The following BAHD1 variants were observed in gnomAD, a reference collection of about 807,000 sequenced individuals.
BAHD1 encodes the protein bromo adjacent homology domain containing 1.
In BAHD1, 20 loss-of-function variants were observed where a neutral mutation model predicts 63.1. That is an observed-to-expected ratio of 0.32 (90% CI 0.22 to 0.46). The LOEUF is 0.46. Among genes scored for constraint, BAHD1 ranks in the 20% least tolerant of loss-of-function variants. The pLI, the probability that BAHD1 is intolerant of heterozygous loss-of-function variation, is 1.00. For missense variants in BAHD1, 939 were observed against 1,071.8 expected, an observed-to-expected ratio of 0.88 and a Z score of 1.73; for synonymous variants, 408 against 426.8, an observed-to-expected ratio of 0.96 and a Z score of 0.54.
intron 5 of BAHD1, 120 bp from the exon 6 acceptor site, chr15:40,465,215 G>T: frequency 1.2e-6 from 1 of 824,118 alleles, no homozygotes; most frequent in East Asian, 2.6e-5. Context: ...TGAATTTCCA[G>T]GGAAGCTTGC....
chr15:40,458,937 A>G lies in BAHD1; in HGVS notation c.473A>G (p.Asp158Gly). The G allele has an allele frequency of 6.3e-7, 1 of 1,594,824 alleles. No homozygotes were observed. The highest frequency in any genetic ancestry group is 1.1e-5 in the South Asian group (1 of 88,658). Reference sequence around the variant, plus strand: ...GATCCCCACCGCAGCCGTGACCGTGATCGTGCTACTGGGGGCTGGTCCTCC... The same window carrying G: ...GATCCCCACCGCAGCCGTGACCGTGGTCGTGCTACTGGGGGCTGGTCCTCC... ...AGDPHRSRDR[D>G]RATGGWSSSK... is the part of the protein sequence containing the mutation. The change falls in exon 2 of 7, where the codon GAT becomes GGT. Residue 158 changes from aspartate to glycine, a missense_variant. Coordinates refer to ENST00000416165, the MANE Select transcript of BAHD1 (RefSeq NM_014952.5). This position sits in a 1 kb window ranked among gnomAD's most constrained non-coding sequence, Gnocchi z 4.7.
intron 1 of BAHD1, among the ~76,000 whole-genome samples, chr15:40,457,405 C>G (rs1469465940): frequency 6.6e-6 from 1 of 151,978 alleles, no homozygotes; most frequent in East Asian, 1.9e-4. Context: ...GACTTCTCCA[C>G]CATGGGCCCC....
At chr15:40,465,308 A>G (rs527323147) in intron 5 of BAHD1, 27 bp from the exon 6 acceptor site, 2 of 1,608,210 alleles carry the variant, frequency 1.2e-6, no homozygotes, top group African/African-American at 2.7e-5. Flanking sequence ...CAGCCCTGGT[A>G]ACAACCTCCA....
In BAHD1 at chr15:40,462,113, C is replaced by G; in HGVS notation, c.1634C>G (p.Ser545Cys). The G allele has an allele frequency of 6.2e-7, 1 of 1,613,096 alleles. No homozygotes were observed. Residue 545 changes from serine to cysteine, a missense_variant, in exon 3 of 7, where the codon TCT becomes TGT. Ser to Cys is a moderately radical substitution (Grantham distance 112). This residue lies in a region of BAHD1 where 797 missense variants were observed against 813.3 expected (regional missense o/e 0.98). Coordinates refer to ENST00000416165, the MANE Select transcript of BAHD1 (RefSeq NM_014952.5). Reference protein sequence around the residue: ...CPQSAKPPSGSKSGLRTGSSC... With the variant: ...CPQSAKPPSGCKSGLRTGSSC... Reference sequence around the variant, plus strand: ...CAGAGCGCCAAACCTCCCAGCGGTTCTAAGTCAGGTCTGCGCACAGGCTCC... The same window carrying G: ...CAGAGCGCCAAACCTCCCAGCGGTTGTAAGTCAGGTCTGCGCACAGGCTCC...
intron 1 of BAHD1, among the ~76,000 whole-genome samples, chr15:40,444,870 A>G (rs1315241354): frequency 6.6e-6 from 1 of 152,036 alleles, no homozygotes; most frequent in Non-Finnish European, 1.5e-5. Context: ...TTTGTGCCCC[A>G]GTTTGATGAT....
chr15:40,458,946 C>T lies in BAHD1; in HGVS notation c.482C>T (p.Thr161Ile), dbSNP rs369257423. 133 of 1,592,338 alleles carry T rather than the reference C, an allele frequency of 8.4e-5. No individual in the cohort carries two copies. The highest frequency in any genetic ancestry group is 1.1e-4 in the Non-Finnish European group (128 of 1,167,892). Residue 161 changes from threonine (T) to isoleucine (I), a missense_variant, in exon 2 of 7, where the codon ACT becomes ATT. This residue lies in a region of BAHD1 where 797 missense variants were observed against 813.3 expected (regional missense o/e 0.98). Coordinates refer to ENST00000416165, the MANE Select transcript of BAHD1 (RefSeq NM_014952.5). This position sits in a 1 kb window ranked among gnomAD's most constrained non-coding sequence, Gnocchi z 4.7. ...PHRSRDRDRATGGWSSSKKRP... is the reference protein window; with the variant it reads ...PHRSRDRDRAIGGWSSSKKRP... The stretch of plus-strand genomic sequence containing the variant: ...CGCAGCCGTGACCGTGATCGTGCTA[C>T]TGGGGGCTGGTCCTCCTCCAAGAAG...
chr15:40,456,551 A>G (rs1893856329), intron 1 of BAHD1, among the ~76,000 whole-genome samples: 1 of 152,092 alleles, frequency 6.6e-6, no homozygotes, highest in African/African-American at 2.4e-5. Context: ...GGTTGCCCAC[A>G]CCACCCTCAG....
rs541403676 is a variant in BAHD1 at position 40,464,420 on chromosome 15, A to G, written c.1976-51A>G. ...AGCCAGCCAGCCTCTCTGCCTGTCT[A>G]AGTAACTCAGGTTGCCAGTTCAAGC... On this transcript the variant is annotated intron_variant, in intron 4 of 6. Transcript: ENST00000416165. 4.5e-5 allele frequency: 69 copies of G among 1,519,460 alleles called. No individual in the cohort carries two copies. In the East Asian group the frequency reaches 9.0e-4, roughly 20 times the overall value. 94.1% of individuals were successfully genotyped at this position (1,519,460 alleles called of 1,614,324 possible).
At position 40,468,204 on chromosome 15, in the gene BAHD1, A is replaced by T. The variant is rs2141566152; in HGVS notation, c.*2074A>T. ...AGAAGTACTTCTTTAAGAAAAAAAT[A>T]AATTTGAGAAATTGTATTGATTTAG... On this transcript the variant is annotated 3_prime_UTR_variant, in exon 7 of 7. Coordinates refer to ENST00000416165, the MANE Select transcript of BAHD1 (RefSeq NM_014952.5). 6.5e-6 allele frequency: 1 copy of T among 152,714 alleles called. No homozygotes were observed. Among genetic ancestry groups the T allele is most frequent in the Non-Finnish European group, 1.5e-5 (1 of 68,038 alleles). The allele number at this position is 152,714 out of a possible 1,614,324, so 9.5% of individuals were successfully genotyped here.
chr15:40,455,454 C>G (rs1189237354), intron 1 of BAHD1, among the ~76,000 whole-genome samples: 1 of 152,178 alleles, frequency 6.6e-6, no homozygotes, highest in African/African-American at 2.4e-5. Context: ...TCCCACCTCT[C>G]TCTGCTTGGG....
At chr15:40,447,584 A>G (rs893655040) in intron 1 of BAHD1, among the ~76,000 whole-genome samples, 86 of 147,044 alleles carry the variant, frequency 5.8e-4, no homozygotes, top group African/African-American at 2.1e-3. Flanking sequence ...ATAAATAAAT[A>G]AATAAATAAA....
At chr15:40,462,570 C>T (rs1490158936) in intron 3 of BAHD1, among the ~76,000 whole-genome samples, 1 of 152,172 alleles carries the variant, frequency 6.6e-6, no homozygotes, top group African/African-American at 2.4e-5. Flanking sequence ...CCTCCCCTCC[C>T]TGCTCACTTT....
At chr15:40,448,410 A>C (rs887882816) in intron 1 of BAHD1, among the ~76,000 whole-genome samples, 3 of 152,202 alleles carry the variant, frequency 2.0e-5, no homozygotes, top group Non-Finnish European at 1.5e-5. Context: ...CTGAACGTGC[A>C]AGTTATCTTG....
At chr15:40,460,199 T>A (rs1018216624) in intron 2 of BAHD1, among the ~76,000 whole-genome samples, 1 of 152,170 alleles carries the variant, frequency 6.6e-6, no homozygotes, top group Admixed American at 6.6e-5. Flanking sequence ...TCTCTCCTCA[T>A]TGGGATACCC....
Position 40,465,992 on chromosome 15 carries a change from A to G in BAHD1, c.2205A>G (p.Thr735=), listed in dbSNP as rs955400923. The stretch of plus-strand genomic sequence containing the variant: ...GTGAAGGCCTCCCCAGCCGAAAGAC[A>G]GCACTGGTTCCCCCCTCTGCAGACT... The part of the protein sequence containing the change: ...RRGEGLPSRK[T]ALVPPSADYS... The change falls in exon 7 of 7, where the codon ACA becomes ACG. Residue 735 remains threonine, a synonymous_variant. Transcript: ENST00000416165. 7.5e-6 allele frequency: 12 copies of G among 1,610,634 alleles called. No homozygotes were observed. The Admixed American group carries it at 1.5e-4, about 20-fold the overall frequency.
chr15:40,460,904 G>A (rs1894020061), intron 2 of BAHD1, among the ~76,000 whole-genome samples: 1 of 152,126 alleles, frequency 6.6e-6, no homozygotes, highest in African/African-American at 2.4e-5. Context: ...TGCTGCTTGG[G>A]GTTTTCCTTC....
chr15:40,449,828 A>G (rs1249627538), intron 1 of BAHD1, among the ~76,000 whole-genome samples: 1 of 151,862 alleles, frequency 6.6e-6, no homozygotes, highest in Non-Finnish European at 1.5e-5. Context: ...AAAAAAAAAA[A>G]AAAAGAAAAT....
chr15:40,465,757 G>A (rs549610671), intron 6 of BAHD1, among the ~76,000 whole-genome samples, 184 bp from the exon 7 acceptor site: 9 of 152,344 alleles, frequency 5.9e-5, no homozygotes, highest in Non-Finnish European at 1.2e-4. Context: ...GTTCTCCAGT[G>A]ACAGAGAAGA....
At chr15:40,440,477 C>G (rs1893366614), upstream of BAHD1, among the ~76,000 whole-genome samples, 1 of 151,390 alleles carries the variant, frequency 6.6e-6, no homozygotes, top group South Asian at 2.1e-4. Context: ...TGGGGTGTTC[C>G]TCGGCCCGCA....
Sources: gnomAD v4.1 joint callset for allele counts (sites outside exome capture counted in the v4.1 genomes callset) on GRCh38, gnomAD v4.1.1 for gene constraint, gnomAD v4.1.1 regional missense constraint, Gnocchi (gnomAD v3.1) non-coding constraint, MANE v1.5 for transcripts, NCBI Gene and HGNC (gene_info 2026-07-23, HGNC 2026-07-21) for gene names.